MACROD2: variants seen among roughly 807,000 people sequenced by gnomAD.
MACROD2 encodes mono-ADP ribosylhydrolase 2.
MACROD2 carries 36 observed loss-of-function variants against 70.4 expected under a neutral mutation model. That is an observed-to-expected ratio of 0.51 (90% confidence interval 0.39 to 0.68). The LOEUF is 0.68. Ranked by LOEUF, MACROD2 falls within the 30% of genes least tolerant of loss-of-function variation. The pLI, the probability that MACROD2 is intolerant of heterozygous loss-of-function variation, is 0.00. For missense variants in MACROD2, 496 were observed against 538.4 expected (o/e 0.92, Z 0.78); for synonymous variants, 172 against 178.8 (o/e 0.96, Z 0.30).
At chr20:15,002,969 T>C (rs2075007567) in intron 5 of MACROD2, among the ~76,000 whole-genome samples, 1 of 152,218 alleles carries the variant, frequency 6.6e-6, no homozygotes, top group Admixed American at 6.5e-5. Context: ...GTCTGTACAG[T>C]GTGTGTTACT....
Position 15,054,297 on chromosome 20 carries a change from G to T in MACROD2, c.419-175643G>T, listed in dbSNP as rs1173804279. On this transcript the variant is annotated intron_variant, in intron 5 of 17. Coordinates refer to ENST00000684519, the MANE Select transcript of MACROD2 (RefSeq NM_001351661.2). ...ATTAAATAGCATTGCATGCTACAGAGAATTTTTTGTGAAAGAGTCAGTTAA... is the reference window on the plus strand; with the variant it reads ...ATTAAATAGCATTGCATGCTACAGATAATTTTTTGTGAAAGAGTCAGTTAA... Among the ~76,000 whole-genome samples the T allele has an allele frequency of 4.6e-5, 7 of 152,120 alleles. No individual in the cohort carries two copies. The South Asian group carries it at 8.3e-4, about 18-fold the overall frequency.
chr20:15,084,228 G>A (rs73096018), intron 5 of MACROD2, among the ~76,000 whole-genome samples: 14,355 of 151,660 alleles, frequency 0.095, 830 homozygotes, highest in South Asian at 0.25. Flanking sequence ...CACCATTCCC[G>A]GCTAAATTTT....
At chr20:15,527,594 C>A (rs146172906) in intron 8 of MACROD2, among the ~76,000 whole-genome samples, 5 of 152,270 alleles carry the variant, frequency 3.3e-5, no homozygotes, top group African/African-American at 1.2e-4. Flanking sequence ...CCCAGCACTA[C>A]CCTGCAAATC....
At chr20:14,211,433 A>AT (rs777342936) in intron 3 of MACROD2, among the ~76,000 whole-genome samples, 21 of 152,208 alleles carry the variant, frequency 1.4e-4, no homozygotes, top group Middle Eastern at 3.4e-3. Context: ...ATCTTTATAC[A>AT]TTTTGTGGCA....
intron 15 of MACROD2, among the ~76,000 whole-genome samples, chr20:16,036,656 A>G (rs1223806215): frequency 6.6e-6 from 1 of 152,006 alleles, no homozygotes; most frequent in Non-Finnish European, 1.5e-5. Flanking sequence ...TATGTTGTCT[A>G]TGTGAAATGG....
chr20:16,044,171 T>G (rs1310199334), intron 16 of MACROD2, among the ~76,000 whole-genome samples: 1 of 151,946 alleles, frequency 6.6e-6, no homozygotes, highest in Non-Finnish European at 1.5e-5. Flanking sequence ...AGGGGGAGTA[T>G]GCAACTCACA....
intron 3 of MACROD2, among the ~76,000 whole-genome samples, chr20:14,403,127 G>T (rs1675837091): frequency 6.6e-6 from 1 of 152,000 alleles, no homozygotes; most frequent in Admixed American, 6.5e-5. Flanking sequence ...ATTTTCTCAA[G>T]ATGAGACAAA....
chr20:15,374,752 C>G (rs2045540248), intron 6 of MACROD2, among the ~76,000 whole-genome samples: 1 of 152,174 alleles, frequency 6.6e-6, no homozygotes, highest in Admixed American at 6.5e-5. Context: ...GTACGTACAT[C>G]ATTGCATTTA....
chr20:14,618,676 A>G (rs533164565), intron 4 of MACROD2, among the ~76,000 whole-genome samples: 12 of 152,146 alleles, frequency 7.9e-5, no homozygotes, highest in Non-Finnish European at 1.6e-4. Context: ...GAAGACTTGC[A>G]CTATGCAGCT....
chr20:15,282,973 G>A (rs745902748), intron 6 of MACROD2, among the ~76,000 whole-genome samples: 1 of 152,142 alleles, frequency 6.6e-6, no homozygotes, highest in Non-Finnish European at 1.5e-5. Context: ...TTACAATCAT[G>A]GTAGCAAAGA....
At chr20:16,003,242 T>C (rs185804998) in intron 15 of MACROD2, among the ~76,000 whole-genome samples, 1 of 152,320 alleles carries the variant, frequency 6.6e-6, no homozygotes, top group Admixed American at 6.5e-5. Flanking sequence ...AGGAACTTGC[T>C]AAAAGTGCAA....
At position 15,967,542 on chromosome 20, in the gene MACROD2, TTTG is replaced by T. The variant is rs1231322543; in HGVS notation, c.908-5_908-3del. On this transcript the variant is annotated splice_polypyrimidine_tract_variant and splice_region_variant and intron_variant, in intron 12 of 17. Coordinates refer to ENST00000684519, the MANE Select transcript of MACROD2 (RefSeq NM_001351661.2). ...AAATGCTGACCAAAGGTTTTGCTTG[TTTG>T]TTGTTAGATTTTGCAAAGGATGAAA... is the stretch of plus-strand genomic sequence containing the variant. 2.5e-6 allele frequency: 4 copies of T among 1,609,542 alleles called. No homozygotes were observed. Among genetic ancestry groups the T allele is most frequent in the Non-Finnish European group, 3.4e-6 (4 of 1,178,156 alleles).
intron 3 of MACROD2, among the ~76,000 whole-genome samples, chr20:14,310,589 T>A (rs1014442727): frequency 2.6e-5 from 4 of 152,182 alleles, no homozygotes; most frequent in Non-Finnish European, 5.9e-5. Flanking sequence ...AAAATGACTA[T>A]CTTACTAGTT....
intron 7 of MACROD2, among the ~76,000 whole-genome samples, chr20:15,494,533 C>A (rs2047269894): frequency 6.6e-6 from 1 of 152,138 alleles, no homozygotes; most frequent in African/African-American, 2.4e-5. Context: ...ATGGGTAAAT[C>A]AGGCAGGCAT....
chr20:16,014,043 C>T (rs1003501678), intron 15 of MACROD2, among the ~76,000 whole-genome samples: 6 of 152,202 alleles, frequency 3.9e-5, no homozygotes, highest in South Asian at 4.1e-4. Flanking sequence ...TCCACTGACT[C>T]AAATTAACAT....
At chr20:15,973,489 A>C (rs2066261443) in intron 13 of MACROD2, among the ~76,000 whole-genome samples, 1 of 152,190 alleles carries the variant, frequency 6.6e-6, no homozygotes, top group Non-Finnish European at 1.5e-5. Flanking sequence ...AAATAATAAT[A>C]AAATTAAAAG....
intron 8 of MACROD2, among the ~76,000 whole-genome samples, chr20:15,806,586 G>A (rs1270068346): frequency 1.3e-5 from 2 of 151,918 alleles, no homozygotes; most frequent in African/African-American, 2.4e-5. Flanking sequence ...TTCACAGCTG[G>A]ACCTTATGTT....
intron 3 of MACROD2, among the ~76,000 whole-genome samples, chr20:14,393,117 A>G (rs1480009857): frequency 1.3e-5 from 2 of 152,204 alleles, no homozygotes; most frequent in Non-Finnish European, 2.9e-5. Context: ...AGAGATTATC[A>G]TTACAGTTTA....
chr20:15,970,471 A>G (rs528661055), intron 13 of MACROD2, among the ~76,000 whole-genome samples: 1 of 152,026 alleles, frequency 6.6e-6, no homozygotes, highest in Admixed American at 6.5e-5. Context: ...AGTACCAATT[A>G]GTGTTGAAAC....
Sources: allele counts gnomAD v4.1 joint callset (sites outside exome capture counted in the v4.1 genomes callset), GRCh38; gene constraint gnomAD v4.1.1; transcripts MANE v1.5; gene names NCBI Gene and HGNC (gene_info 2026-07-23, HGNC 2026-07-21).